TMEM244: variants seen among roughly 807,000 people sequenced by gnomAD.
TMEM244 encodes transmembrane protein 244, also known as putative transmembrane protein 244.
TMEM244 carries 13 observed loss-of-function variants against 15.8 expected under a neutral mutation model. That is an observed-to-expected ratio of 0.82 (90% CI 0.53 to 1.30). The LOEUF is 1.30. TMEM244 is among the 50% of genes most tolerant of loss of function. The pLI is 0.00. For missense variants in TMEM244, 161 were observed against 144.9 expected, an observed-to-expected ratio of 1.11 and a Z score of -0.57; for synonymous variants, 45 against 48.7, an observed-to-expected ratio of 0.92 and a Z score of 0.32.
chr6:129,847,779 T>C (rs1293400764), intron 1 of TMEM244, among the ~76,000 whole-genome samples: 2 of 147,904 alleles, frequency 1.4e-5, no homozygotes, highest in East Asian at 3.9e-4. Context: ...TTTTTTCTTT[T>C]TTTTTTTTTT....
intron 1 of TMEM244, among the ~76,000 whole-genome samples, chr6:129,855,138 G>A (rs959290573): frequency 6.6e-6 from 1 of 152,120 alleles, no homozygotes; most frequent in Non-Finnish European, 1.5e-5. Context: ...CACAGGTCTG[G>A]GTTCCTGAGC....
intron 3 of TMEM244, among the ~76,000 whole-genome samples, chr6:129,835,582 A>G (rs1222552927): frequency 6.6e-6 from 1 of 152,130 alleles, no homozygotes; most frequent in Non-Finnish European, 1.5e-5. Flanking sequence ...ATGGAGGGCA[A>G]GCTGAAGCAG....
rs112128187 is a variant in TMEM244, at chr6:129,835,298, G to A, written c.194-1713C>T. 2.5e-3 allele frequency among the ~76,000 whole-genome samples: 380 copies of A among 152,024 alleles called. 1 individual carries two copies. The highest frequency in any genetic ancestry group is 8.6e-3 in the African/African-American group (355 of 41,440). ...CCATAGTCCTAGCTACTCAGGAGGT[G>A]GAGATGGGAGGATCTCTTGAGTGCA... On this transcript the variant is annotated intron_variant, in intron 3 of 4. Coordinates refer to ENST00000368143, the MANE Select transcript of TMEM244 (RefSeq NM_001010876.2).
chr6:129,860,898 A>G (rs899889204), intron 1 of TMEM244, among the ~76,000 whole-genome samples: 5 of 152,028 alleles, frequency 3.3e-5, no homozygotes, highest in Admixed American at 3.3e-4. Context: ...AATACCAGAG[A>G]GCTTACCTCC....
At chr6:129,840,038 C>T (rs368364703) in intron 3 of TMEM244, among the ~76,000 whole-genome samples, 3 of 152,158 alleles carry the variant, frequency 2.0e-5, no homozygotes, top group African/African-American at 7.2e-5. Context: ...CCATCCCCAT[C>T]AAGCTACCAA....
intron 3 of TMEM244, among the ~76,000 whole-genome samples, chr6:129,838,527 A>G (rs1289100164): frequency 6.6e-6 from 1 of 152,054 alleles, no homozygotes; most frequent in African/African-American, 2.4e-5. Flanking sequence ...TTAACAATAG[A>G]GAAGCAAGAG....
chr6:129,833,155 G>T (rs1434174935), intron 4 of TMEM244, among the ~76,000 whole-genome samples: 1 of 152,144 alleles, frequency 6.6e-6, no homozygotes, highest in Non-Finnish European at 1.5e-5. Context: ...TATATGAAAT[G>T]CTAACATTAG....
At chr6:129,837,441 GAAC>G (rs1776424700) in intron 3 of TMEM244, among the ~76,000 whole-genome samples, 1 of 152,168 alleles carries the variant, frequency 6.6e-6, no homozygotes, top group Non-Finnish European at 1.5e-5. Context: ...ACATGGAAAG[GAAC>G]AACAGGTACT....
In TMEM244 at chr6:129,833,588, G is replaced by A; in HGVS notation, c.194-3C>T. On this transcript the variant is annotated splice_polypyrimidine_tract_variant and splice_region_variant and intron_variant, in intron 3 of 4. Transcript: ENST00000368143. ...GACCTCTGTTGAAACTAAAAGAACT[G>A]CAAATACAAGGAAGAATATAATTAT... 15 of 1,609,852 alleles carry A rather than the reference G, an allele frequency of 9.3e-6. No homozygotes were observed. Among genetic ancestry groups the A allele is most frequent in the Non-Finnish European group, 1.2e-5 (14 of 1,178,308 alleles).
intron 4 of TMEM244, among the ~76,000 whole-genome samples, chr6:129,831,736 C>G (rs1228252477): frequency 6.6e-6 from 1 of 152,160 alleles, no homozygotes; most frequent in Non-Finnish European, 1.5e-5. Context: ...GTCCAGTAGT[C>G]ATTTGTTAAC....
chr6:129,844,081 G>T (rs532591350), intron 2 of TMEM244, among the ~76,000 whole-genome samples: 1 of 90,642 alleles, frequency 1.1e-5, no homozygotes, highest in Admixed American at 9.2e-5. Context: ...ATATATTTTT[G>T]AAATGTAATG....
chr6:129,832,504 T>G (rs930732454), intron 4 of TMEM244, among the ~76,000 whole-genome samples: 2 of 152,208 alleles, frequency 1.3e-5, no homozygotes, highest in African/African-American at 4.8e-5. Context: ...TGGTTGGTTA[T>G]CACTCATATT....
chr6:129,859,561 G>A (rs1171300934), intron 1 of TMEM244, among the ~76,000 whole-genome samples: 2 of 152,204 alleles, frequency 1.3e-5, no homozygotes, highest in Non-Finnish European at 1.5e-5. Flanking sequence ...GTTTACATTA[G>A]TTTAACATAG....
intron 1 of TMEM244, among the ~76,000 whole-genome samples, chr6:129,854,712 G>A (rs1185677757): frequency 1.3e-5 from 2 of 152,222 alleles, no homozygotes; most frequent in East Asian, 1.9e-4. Context: ...AAGCTTTGTG[G>A]TTCTGATTAC....
At position 129,836,997 on chromosome 6, in the gene TMEM244, C is replaced by A. The variant is rs147463923; in HGVS notation, c.194-3412G>T. Among the ~76,000 whole-genome samples, 245 of 152,312 alleles carry A rather than the reference C, an allele frequency of 1.6e-3. 5 individuals carry two copies. The highest frequency in any genetic ancestry group is 0.014 in the Admixed American group (213 of 15,298). The stretch of plus-strand genomic sequence containing the variant: ...GAGAATGGAACCAAGTTAGAAAACA[C>A]TCTTCAGGATATCATCCAGGAGAAC... On this transcript the variant is annotated intron_variant, in intron 3 of 4. Transcript: ENST00000368143.
intron 1 of TMEM244, among the ~76,000 whole-genome samples, chr6:129,847,670 T>C (rs1454299263): frequency 6.6e-6 from 1 of 152,108 alleles, no homozygotes. Flanking sequence ...TCTTTGCCTA[T>C]GTCCACCCCT....
chr6:129,844,872 A>C (rs1776541484), intron 2 of TMEM244, among the ~76,000 whole-genome samples: 1 of 152,224 alleles, frequency 6.6e-6, no homozygotes, highest in African/African-American at 2.4e-5. Context: ...TATTGGTATT[A>C]ATTCGCATAT....
intron 3 of TMEM244, among the ~76,000 whole-genome samples, chr6:129,837,596 G>A (rs1776426762): frequency 6.6e-6 from 1 of 152,090 alleles, no homozygotes; most frequent in African/African-American, 2.4e-5. Context: ...AATGTAAATG[G>A]GCTAAATGCC....
chr6:129,843,041 GA>G, intron 3 of TMEM244, among the ~76,000 whole-genome samples: 1 of 151,990 alleles, frequency 6.6e-6, no homozygotes, highest in East Asian at 1.9e-4. Context: ...ACAAAGTAGA[GA>G]ATGAAAGTTC....
Sources: gnomAD v4.1 joint callset for allele counts (sites outside exome capture counted in the v4.1 genomes callset) on GRCh38, gnomAD v4.1.1 for gene constraint, MANE v1.5 for transcripts, NCBI Gene and HGNC (gene_info 2026-07-23, HGNC 2026-07-21) for gene names.